The following EP400 variants were observed in gnomAD, a reference collection of about 807,000 sequenced individuals.
EP400 encodes the protein E1A-binding protein p400.
In EP400, 105 loss-of-function variants were observed where a neutral mutation model predicts 354.1. The observed-to-expected ratio is 0.30, with a 90% CI of 0.25 to 0.35. EP400 has a LOEUF of 0.35. Ranked by LOEUF, EP400 falls within the 10% of genes least tolerant of loss-of-function variation. EP400 has a pLI of 1.00. For missense variants in EP400, 3,280 were observed against 4,121.0 expected (o/e 0.80, Z 5.59); for synonymous variants, 1,646 against 1,716.9 (o/e 0.96, Z 1.02).
In EP400 at chr12:132,029,351, G is replaced by A. The variant is rs902895746; in HGVS notation, c.5382-350G>A. 8 of 318,494 alleles carry A rather than the reference G, an allele frequency of 2.5e-5. No individual in the cohort carries two copies. The Admixed American group carries it at 3.2e-4, about 13-fold the overall frequency. 19.7% of individuals were successfully genotyped at this position (318,494 alleles called of 1,614,324 possible). ...TGGCTATAGCAGTTCTAGGGTCCAC[G>A]AGACAGTGCACCTTTGTCCCAAAGT... On this transcript the variant is annotated intron_variant, in intron 27 of 52. Coordinates refer to ENST00000389561, the MANE Select transcript of EP400 (RefSeq NM_015409.5). This position sits in a 1 kb window ranked among gnomAD's most constrained non-coding sequence, Gnocchi z 4.7.
intron 29 of EP400, chr12:132,031,407 A>G (rs772397654): frequency 7.7e-6 from 4 of 518,592 alleles, no homozygotes; most frequent in African/African-American, 3.9e-5. Flanking sequence ...CTCATGGCTG[A>G]TGTTATTTAA....
chr12:132,011,942 CCTGGAGGCCCTG>C (rs1893781309), intron 16 of EP400, among the ~76,000 whole-genome samples: 1 of 152,054 alleles, frequency 6.6e-6, no homozygotes, highest in South Asian at 2.1e-4. Flanking sequence ...ACACTTTCCC[CCTGGAGGCCCTG>C]CTGGCTTCCA....
chr12:131,956,486 G>T (rs1891704476), intron 1 of EP400, among the ~76,000 whole-genome samples: 1 of 152,074 alleles, frequency 6.6e-6, no homozygotes, highest in African/African-American at 2.4e-5. Context: ...TTATTCTACA[G>T]TGAGTATTGT....
Position 131,981,586 on chromosome 12 carries a change from G to C in EP400, c.1533G>C (p.Pro511=). The change falls in exon 4 of 53, where the codon CCG becomes CCC. Residue 511 remains proline (P), a synonymous_variant. Coordinates refer to ENST00000389561, the MANE Select transcript of EP400 (RefSeq NM_015409.5). ...GCGTTCCTCTCCAGCAACTAATGCC[G>C]ACCGCACAAGGTAAGGCCCAGCAGC... ...DAGVPLQQLM[P]TAQGGMPPTP... is the part of the protein sequence containing the mutation. 6.3e-7 allele frequency: 1 copy of C among 1,596,220 alleles called. No homozygotes were observed. Among genetic ancestry groups the C allele is most frequent in the South Asian group, 1.1e-5 (1 of 87,702 alleles).
Position 132,070,922 on chromosome 12 carries a change from A to G in EP400, c.9021+1281A>G, listed in dbSNP as rs1013458811. ...CTGGCCGCCTTGCTAGATTCTGGTTATTTGAATAATTTATCTTAGGATTTG... is the reference window on the plus strand; with the variant it reads ...CTGGCCGCCTTGCTAGATTCTGGTTGTTTGAATAATTTATCTTAGGATTTG... On this transcript the variant is annotated intron_variant, in intron 51 of 52. Coordinates refer to ENST00000389561, the MANE Select transcript of EP400 (RefSeq NM_015409.5). This position sits in a 1 kb window ranked among gnomAD's most constrained non-coding sequence, Gnocchi z 4.1. Among the ~76,000 whole-genome samples the G allele has an allele frequency of 6.6e-6, 1 of 152,058 alleles. No homozygotes were observed. Among genetic ancestry groups the G allele is most frequent in the Non-Finnish European group, 1.5e-5 (1 of 68,000 alleles).
At chr12:132,002,860 C>A (rs1446838164) in intron 12 of EP400, among the ~76,000 whole-genome samples, 1 of 152,126 alleles carries the variant, frequency 6.6e-6, no homozygotes, top group Non-Finnish European at 1.5e-5. Context: ...ATGAGCAGAG[C>A]CTCTCATTGG....
In EP400 at chr12:131,960,744, T is replaced by TCGCTCCCTC. The variant is rs763420396; in HGVS notation, c.126_134dup (p.Pro44_Ala46dup). The stretch of plus-strand genomic sequence containing the variant: ...CCACCCCCGTCCCCCGCAGCTCCCT[T>TCGCTCCCTC]CGCTCCCTCAGCAAGCCCGTCGGCA... On this transcript the variant is annotated inframe_insertion, in exon 2 of 53. Transcript: ENST00000389561. 2 of 1,051,390 alleles carry TCGCTCCCTC rather than the reference T, an allele frequency of 1.9e-6. No individual in the cohort carries two copies. The highest frequency in any genetic ancestry group is 4.7e-5 in the African/African-American group (2 of 42,486). 65.1% of individuals were successfully genotyped at this position (1,051,390 alleles called of 1,614,324 possible).
At chr12:131,962,103 G>A in intron 2 of EP400, 149 bp downstream of exon 2, 1 of 1,117,088 alleles carries the variant, frequency 9.0e-7, no homozygotes, top group Non-Finnish European at 1.2e-6. Context: ...ATAAGTAAAA[G>A]TGAAGAATGT....
intron 50 of EP400, chr12:132,068,966 A>G (rs1207767746): frequency 6.5e-6 from 1 of 153,172 alleles, no homozygotes; most frequent in Non-Finnish European, 1.5e-5. Context: ...CGATTGGACA[A>G]AACATCCTTA....
In EP400 at chr12:132,066,771, T is replaced by G. The variant is rs1018380232; in HGVS notation, c.8554-3T>G. On this transcript the variant is annotated splice_region_variant and splice_polypyrimidine_tract_variant and intron_variant, in intron 48 of 52. Coordinates refer to ENST00000389561, the MANE Select transcript of EP400 (RefSeq NM_015409.5). The stretch of plus-strand genomic sequence containing the variant: ...GGACTCTCCCATTATTTCTACTGTT[T>G]AGACCCGGGTTCCCACTTCTCAGCT... The G allele has an allele frequency of 6.2e-7, 1 of 1,613,664 alleles. No homozygotes were observed. The highest frequency in any genetic ancestry group is 8.5e-7 in the Non-Finnish European group (1 of 1,179,816).
intron 52 of EP400, 38 bp downstream of exon 52, chr12:132,076,631 C>T (rs1896247381): frequency 1.9e-6 from 3 of 1,563,118 alleles, no homozygotes; most frequent in Non-Finnish European, 2.6e-6. Context: ...TCACATTTCC[C>T]AGGTCAGAGA....
At chr12:132,024,636 G>A (rs944927015) in intron 24 of EP400, among the ~76,000 whole-genome samples, 13 of 152,298 alleles carry the variant, frequency 8.5e-5, no homozygotes, top group South Asian at 6.2e-4. Context: ...TGCTCCCTGT[G>A]TTTTTGTTTA....
chr12:132,045,963 AG>A, intron 39 of EP400, 63 bp downstream of exon 39: 1 of 1,575,214 alleles, frequency 6.3e-7, no homozygotes, highest in Non-Finnish European at 8.6e-7. Flanking sequence ...CGTGGCCTGC[AG>A]TTTCAGCTCC....
chr12:131,987,973 T>C, intron 7 of EP400, 83 bp downstream of exon 7: 20 of 686,416 alleles, frequency 2.9e-5, no homozygotes, highest in Non-Finnish European at 4.2e-5. Context: ...TGGGGAGGTC[T>C]CCAGACCCAC....
chr12:132,045,704 T>C (rs1895073579), intron 38 of EP400, 23 bp from the exon 39 acceptor site: 1 of 1,613,640 alleles, frequency 6.2e-7, no homozygotes, highest in Admixed American at 1.7e-5. Flanking sequence ...TTCACCTGTT[T>C]TACCTGAAAT....
Position 131,987,828 on chromosome 12 carries a change from A to T in EP400, c.2347A>T (p.Met783Leu). 6.2e-7 allele frequency: 1 copy of T among 1,613,552 alleles called. No individual in the cohort carries two copies. Among genetic ancestry groups the T allele is most frequent in the East Asian group, 2.2e-5 (1 of 44,866 alleles). ...CCACTGGGACTATCTGCTGGAGGAG[A>T]TGCAGTGGATGGCCACAGACTTTGC... ...KSHWDYLLEE[M>L]QWMATDFAQE... Residue 783 changes from methionine (M) to leucine (L), a missense_variant, in exon 7 of 53, where the codon ATG becomes TTG. By Grantham distance (15) the Met-to-Leu change is conservative (BLOSUM62 2). Coordinates refer to ENST00000389561, the MANE Select transcript of EP400 (RefSeq NM_015409.5).
At chr12:132,051,743 G>A (rs527525759) in intron 41 of EP400, among the ~76,000 whole-genome samples, 15 of 152,202 alleles carry the variant, frequency 9.9e-5, no homozygotes, top group Middle Eastern at 3.4e-3. Flanking sequence ...GGATAACTGC[G>A]GGCGGGCCTG....
chr12:132,027,624 G>C lies in EP400; in HGVS notation c.5109+93G>C, dbSNP rs1376300785. 1 of 1,029,054 alleles carries C rather than the reference G, an allele frequency of 9.7e-7. No individual in the cohort carries two copies. The highest frequency in any genetic ancestry group is 3.0e-5 in the Admixed American group (1 of 32,860). 63.7% of individuals were successfully genotyped at this position (1,029,054 alleles called of 1,614,324 possible). ...TTGGTTGTGATATTTAAAGGCTCCT[G>C]TGAATTCTCAAGTGATGTTACTGAA... On this transcript the variant is annotated intron_variant, in intron 26 of 52. Transcript: ENST00000389561. This position sits in a 1 kb window ranked among gnomAD's most constrained non-coding sequence, Gnocchi z 4.9.
At chr12:132,030,227 T>C (rs1462669752) in intron 29 of EP400, 69 bp downstream of exon 29, 1 of 1,555,096 alleles carries the variant, frequency 6.4e-7, no homozygotes, top group Non-Finnish European at 8.8e-7. Flanking sequence ...AAGTGCTGTG[T>C]AAATTCAGTG....
Sources: allele counts gnomAD v4.1 joint callset (sites outside exome capture counted in the v4.1 genomes callset), GRCh38; gene constraint gnomAD v4.1.1; non-coding constraint Gnocchi (gnomAD v3.1); transcripts MANE v1.5; gene names NCBI Gene and HGNC (gene_info 2026-07-23, HGNC 2026-07-21).